Variants in MMP16 observed in about 807,000 individuals in gnomAD.
The protein encoded by MMP16 is matrix metalloproteinase-16.
In MMP16, 12 loss-of-function variants were observed where a neutral mutation model predicts 67.8. The observed-to-expected ratio is 0.18, with a 90% CI of 0.11 to 0.29. The LOEUF (loss-of-function observed/expected upper bound fraction) is 0.29. Ranked by LOEUF, MMP16 falls within the 10% of genes least tolerant of loss-of-function variation. The pLI, the probability that MMP16 is intolerant of heterozygous loss-of-function variation, is 1.00. For missense variants in MMP16, 475 were observed against 765.7 expected, an observed-to-expected ratio of 0.62 and a Z score of 4.48; for synonymous variants, 249 against 255.9, an observed-to-expected ratio of 0.97 and a Z score of 0.26.
intron 4 of MMP16, among the ~76,000 whole-genome samples, chr8:88,120,478 A>T (rs1286277584): frequency 6.6e-6 from 1 of 151,936 alleles, no homozygotes; most frequent in Non-Finnish European, 1.5e-5. Context: ...TGTTAAGTGG[A>T]AGAAGGATAG....
At chr8:88,151,225 G>A (rs1379204409) in intron 4 of MMP16, among the ~76,000 whole-genome samples, 1 of 129,924 alleles carries the variant, frequency 7.7e-6, no homozygotes, top group Non-Finnish European at 1.6e-5. Context: ...AGTCCTGAGT[G>A]ACCTACAAAG....
At chr8:88,046,636 A>T in intron 9 of MMP16, 33 bp downstream of exon 9, 2 of 1,400,414 alleles carry the variant, frequency 1.4e-6, no homozygotes, top group South Asian at 2.6e-5. Context: ...AAGATAGCAA[A>T]CTTATGAAAT....
In MMP16 at chr8:88,040,670, A is replaced by G. The variant is rs1182742345; in HGVS notation, c.*791T>C. 1.3e-5 allele frequency: 2 copies of G among 152,668 alleles called. No individual in the cohort carries two copies. The highest frequency in any genetic ancestry group is 4.8e-5 in the African/African-American group (2 of 41,468). 9.5% of individuals were successfully genotyped at this position (152,668 alleles called of 1,614,324 possible). A position where few individuals can be genotyped will look rare whatever the true frequency, so the allele number is the denominator to read the frequency against. On this transcript the variant is annotated 3_prime_UTR_variant, in exon 10 of 10. Transcript: ENST00000286614. ...GTTTAGAAATACTTCAAAAACAATT[A>G]AAAGGTCGTGTTTGAAAATAGCTAT...
intron 6 of MMP16, among the ~76,000 whole-genome samples, chr8:88,111,743 C>A (rs1809341200): frequency 6.6e-6 from 1 of 151,600 alleles, no homozygotes; most frequent in Admixed American, 6.6e-5. Flanking sequence ...GCAAAAAAAC[C>A]AATCTGGGGG....
At chr8:88,188,943 C>T (rs910065944) in intron 2 of MMP16, among the ~76,000 whole-genome samples, 21 of 152,206 alleles carry the variant, frequency 1.4e-4, no homozygotes, top group African/African-American at 4.8e-4. Context: ...GCATGAGCCA[C>T]CGTGCCCGGC....
chr8:88,178,082 A>T (rs1808922289), intron 3 of MMP16, among the ~76,000 whole-genome samples: 1 of 152,190 alleles, frequency 6.6e-6, no homozygotes, highest in Non-Finnish European at 1.5e-5. Flanking sequence ...CTAACTAGAT[A>T]AACATAAAAG....
At chr8:88,313,780 G>T (rs1345326674) in intron 1 of MMP16, among the ~76,000 whole-genome samples, 4 of 152,028 alleles carry the variant, frequency 2.6e-5, no homozygotes, top group Non-Finnish European at 4.4e-5. Flanking sequence ...TGGCTGGCGA[G>T]GCCTCACATT....
rs1035402883 is a variant in MMP16 at position 88,036,480 on chromosome 8, G to A, written c.*4981C>T. 7 of 151,454 alleles carry A rather than the reference G, an allele frequency of 4.6e-5. No individual in the cohort carries two copies. Among genetic ancestry groups the A allele is most frequent in the Admixed American group, 4.0e-4 (6 of 15,178 alleles). The allele number at this position is 151,454 out of a possible 1,614,324, so 9.4% of individuals were successfully genotyped here. A position where few individuals can be genotyped will look rare whatever the true frequency, so the allele number is the denominator to read the frequency against. On this transcript the variant is annotated 3_prime_UTR_variant, in exon 10 of 10. Coordinates refer to ENST00000286614, the MANE Select transcript of MMP16 (RefSeq NM_005941.5). Reference sequence around the variant, plus strand: ...TGTTGCGTTGCTATTCCTGGTTGCCGCTTTATTTATTACATAAAATTCTAA... The same window carrying A: ...TGTTGCGTTGCTATTCCTGGTTGCCACTTTATTTATTACATAAAATTCTAA...
intron 1 of MMP16, among the ~76,000 whole-genome samples, chr8:88,251,397 ATT>A (rs1810218688): frequency 6.7e-6 from 1 of 149,808 alleles, no homozygotes; most frequent in Admixed American, 6.6e-5. Flanking sequence ...TGGGGAAAGG[ATT>A]CCCTATTTAA....
intron 4 of MMP16, among the ~76,000 whole-genome samples, chr8:88,143,418 C>T (rs146597617): frequency 9.8e-4 from 149 of 152,188 alleles, no homozygotes; most frequent in Middle Eastern, 3.4e-3. Flanking sequence ...ACTTGAAGTC[C>T]TTCTACTACT....
chr8:88,218,966 G>A (rs547918538), intron 1 of MMP16, among the ~76,000 whole-genome samples: 7 of 152,104 alleles, frequency 4.6e-5, no homozygotes, highest in East Asian at 3.9e-4. Context: ...TTAATGGAGC[G>A]TCAACCATAC....
intron 1 of MMP16, among the ~76,000 whole-genome samples, chr8:88,213,496 C>T (rs557779857): frequency 6.6e-6 from 1 of 151,964 alleles, no homozygotes; most frequent in South Asian, 2.1e-4. Context: ...ACGCCAATGG[C>T]AGAATTAATG....
rs1457775244 is a variant in MMP16 at position 88,036,195 on chromosome 8, T to C, written c.*5266A>G. ...TGTAAGGCAATGCATGAGTATCAGA[T>C]GTGTTTAAGCACAGTAACATCTAAT... On this transcript the variant is annotated 3_prime_UTR_variant, in exon 10 of 10. Coordinates refer to ENST00000286614, the MANE Select transcript of MMP16 (RefSeq NM_005941.5). The C allele has an allele frequency of 6.6e-6, 1 of 151,980 alleles. No individual in the cohort carries two copies. Among genetic ancestry groups the C allele is most frequent in the African/African-American group, 2.4e-5 (1 of 41,440 alleles). 9.4% of individuals were successfully genotyped at this position (151,980 alleles called of 1,614,324 possible).
At chr8:88,279,733 T>C (rs928797804) in intron 1 of MMP16, among the ~76,000 whole-genome samples, 3 of 152,152 alleles carry the variant, frequency 2.0e-5, no homozygotes, top group East Asian at 1.9e-4. Context: ...GGGAGGAGTG[T>C]CTGCCACAAA....
intron 4 of MMP16, among the ~76,000 whole-genome samples, chr8:88,139,769 T>C (rs1035500801): frequency 6.6e-6 from 1 of 152,192 alleles, no homozygotes. Flanking sequence ...CTCTTCTCTA[T>C]GCTTTTACTT....
chr8:88,109,457 A>G (rs1349931711), intron 6 of MMP16, among the ~76,000 whole-genome samples: 2 of 151,390 alleles, frequency 1.3e-5, no homozygotes, highest in Non-Finnish European at 3.0e-5. Context: ...GAATGTTTAA[A>G]TAACTTCACA....
chr8:88,236,651 AG>A (rs1292429975), intron 1 of MMP16, among the ~76,000 whole-genome samples: 2 of 152,042 alleles, frequency 1.3e-5, no homozygotes, highest in African/African-American at 4.8e-5. Flanking sequence ...CTGGAAGCTG[AG>A]GTGGGAGGGT....
intron 6 of MMP16, among the ~76,000 whole-genome samples, chr8:88,089,923 A>G (rs963031576): frequency 6.6e-6 from 1 of 152,062 alleles, no homozygotes; most frequent in Admixed American, 6.6e-5. Context: ...ACATTTATAT[A>G]TGTGGAAAAA....
intron 6 of MMP16, among the ~76,000 whole-genome samples, chr8:88,092,229 A>G (rs1039165105): frequency 2.5e-4 from 38 of 150,224 alleles, no homozygotes; most frequent in African/African-American, 8.0e-4. Context: ...CTCTATGGCT[A>G]TAACTTCCAG....
Sources: gnomAD v4.1 joint callset for allele counts (sites outside exome capture counted in the v4.1 genomes callset) on GRCh38, gnomAD v4.1.1 for gene constraint, MANE v1.5 for transcripts, NCBI Gene and HGNC (gene_info 2026-07-23, HGNC 2026-07-21) for gene names.